Variants in GRIK1 observed in about 807,000 individuals in gnomAD.
GRIK1 encodes glutamate receptor ionotropic, kainate 1.
In GRIK1, 69 loss-of-function variants were observed where a neutral mutation model predicts 105.7. The ratio of observed to expected loss-of-function variants is 0.65; its 90% CI spans 0.54 to 0.80. GRIK1 has a LOEUF of 0.80. Among genes scored for constraint, GRIK1 ranks in the 30% least tolerant of loss-of-function variants. GRIK1 has a pLI of 0.00. For synonymous variants in GRIK1, 438 were observed against 431.3 expected, an observed-to-expected ratio of 1.02 and a Z score of -0.19; for missense variants, 1,109 against 1,167.3, an observed-to-expected ratio of 0.95 and a Z score of 0.73.
intron 1 of GRIK1, among the ~76,000 whole-genome samples, chr21:29,784,209 G>A (rs906363539): frequency 2.6e-5 from 4 of 152,150 alleles, no homozygotes; most frequent in Non-Finnish European, 4.4e-5. Flanking sequence ...ATAGTCTCAC[G>A]TTGATGGATG....
intron 1 of GRIK1, among the ~76,000 whole-genome samples, chr21:29,792,170 GTGTATA>G (rs2066436988): frequency 6.6e-6 from 1 of 152,046 alleles, no homozygotes; most frequent in African/African-American, 2.4e-5. Flanking sequence ...GTATATGTAT[GTGTATA>G]TGTATATGTG....
At chr21:29,832,514 C>T (rs2067671135) in intron 1 of GRIK1, among the ~76,000 whole-genome samples, 1 of 152,194 alleles carries the variant, frequency 6.6e-6, no homozygotes, top group African/African-American at 2.4e-5. Flanking sequence ...TCAACTCTTG[C>T]CCTCTGCACA....
chr21:29,786,871 G>A (rs2066274239), intron 1 of GRIK1, among the ~76,000 whole-genome samples: 1 of 152,174 alleles, frequency 6.6e-6, no homozygotes, highest in African/African-American at 2.4e-5. Flanking sequence ...CTTCAGATAA[G>A]AGTGTCTCTG....
chr21:29,859,403 A>AAC (rs1491377297), intron 1 of GRIK1, among the ~76,000 whole-genome samples: 2 of 72,912 alleles, frequency 2.7e-5, no homozygotes, highest in African/African-American at 1.4e-4. Context: ...ATAAAAAAAC[A>AAC]AAAAAAAATA....
intron 1 of GRIK1, among the ~76,000 whole-genome samples, chr21:29,856,725 G>C (rs1258890526): frequency 6.6e-6 from 1 of 152,194 alleles, no homozygotes; most frequent in African/African-American, 2.4e-5. Context: ...TTCAGATGAT[G>C]ATAAATGCTA....
chr21:29,546,165 A>G (rs2146101908), intron 16 of GRIK1, among the ~76,000 whole-genome samples: 1 of 152,194 alleles, frequency 6.6e-6, no homozygotes, highest in Non-Finnish European at 1.5e-5. Flanking sequence ...TCACATCCAC[A>G]CACCCTGTGT....
intron 1 of GRIK1, among the ~76,000 whole-genome samples, chr21:29,744,071 A>G (rs932465084): frequency 5.3e-5 from 8 of 152,222 alleles, no homozygotes; most frequent in African/African-American, 1.9e-4. Flanking sequence ...TGTACCCCTG[A>G]ACTTAAAATA....
rs115780878 is a variant in GRIK1 at position 29,726,992 on chromosome 21, C to G, written c.119-32929G>C. Among the ~76,000 whole-genome samples the G allele has an allele frequency of 2.6e-5, 4 of 151,916 alleles. No homozygotes were observed. The South Asian group carries it at 8.3e-4, about 32-fold the overall frequency. The stretch of plus-strand genomic sequence containing the variant: ...TCACCCAGGTTGCAGTGCAGTGGTG[C>G]GATCTTGATCTCAGCTCACTGAAAC... On this transcript the variant is annotated intron_variant, in intron 1 of 17. Transcript: ENST00000327783.
chr21:29,571,220 T>A (rs1318017830), intron 14 of GRIK1, among the ~76,000 whole-genome samples: 1 of 152,020 alleles, frequency 6.6e-6, no homozygotes, highest in Non-Finnish European at 1.5e-5. Context: ...TAACTGGGCA[T>A]GGTGGCGGGT....
rs144058178 is a variant in GRIK1 at position 29,715,311 on chromosome 21, G to A, written c.119-21248C>T. On this transcript the variant is annotated intron_variant, in intron 1 of 17. Transcript: ENST00000327783. ...CCTAGGACTATCATAATCTGCTGAC[G>A]CAAGGCAGCTCAAGGTGGAAAGGGG... Among the ~76,000 whole-genome samples the A allele has an allele frequency of 1.0e-3, 158 of 152,236 alleles. 2 individuals carry two copies. Among genetic ancestry groups the A allele is most frequent in the Admixed American group, 1.7e-3 (26 of 15,290 alleles).
chr21:29,845,306 A>G (rs2068083753), intron 1 of GRIK1, among the ~76,000 whole-genome samples: 8 of 152,142 alleles, frequency 5.3e-5, no homozygotes, highest in Admixed American at 5.2e-4. Context: ...CTTTTACCAC[A>G]TTTATGGTAA....
Position 29,939,631 on chromosome 21 carries a change from C to T in GRIK1, c.-131G>A, listed in dbSNP as rs1249777947. 3 of 591,178 alleles carry T rather than the reference C, an allele frequency of 5.1e-6. No homozygotes were observed. The highest frequency in any genetic ancestry group is 7.0e-5 in the Admixed American group (2 of 28,576). The allele number at this position is 591,178 out of a possible 1,614,324, so 36.6% of individuals were successfully genotyped here. On this transcript the variant is annotated 5_prime_UTR_variant, in exon 1 of 18. In the 5' UTR this introduces an upstream ATG that the reference lacks. Transcript: ENST00000327783. ...TTCCAAGCACGCTGCGCGCTCCCCA[C>T]GGAGCGAGCTCGAGGGAACCCGCGT...
rs1415530713 is a variant in GRIK1, at chr21:29,555,174, C to T, written c.2485G>A (p.Ala829Thr). The change falls in exon 16 of 18, where the codon GCC becomes ACC. Residue 829 changes from alanine (A) to threonine (T), a missense_variant. Ala to Thr is a moderately conservative substitution (Grantham distance 58, BLOSUM62 0). Coordinates refer to ENST00000327783, the MANE Select transcript of GRIK1 (RefSeq NM_001330994.2). ...CPEEDNKEAS[A>T]LGVENIGGIF... is the part of the protein sequence containing the mutation. ...CCTCCAATATTTTCCACTCCCAGGG[C>T]ACTGGCTTCTTTGTTGTCTTCCTCG... The T allele has an allele frequency of 8.1e-6, 13 of 1,614,010 alleles. No homozygotes were observed. Among genetic ancestry groups the T allele is most frequent in the South Asian group, 1.1e-5 (1 of 91,074 alleles).
Position 29,939,443 on chromosome 21 carries a change from C to G in GRIK1, c.58G>C (p.Ala20Pro), listed in dbSNP as rs1411932355. The change falls in exon 1 of 18, where the codon GCA (alanine) becomes CCA (proline). Residue 20 changes from alanine to proline, a missense_variant. Ala to Pro is a conservative substitution (Grantham distance 27). Transcript: ENST00000327783. ...PGLWTRDTSWALLYFLCYILP... is the reference protein window; with the variant it reads ...PGLWTRDTSWPLLYFLCYILP... ...ATATAGCAGAGGAAATAGAGGAGTG[C>G]CCAGCTGGTGTCCCTGGTCCAGAGC... is the stretch of plus-strand genomic sequence containing the variant. 1.3e-6 allele frequency: 2 copies of G among 1,598,076 alleles called. No individual in the cohort carries two copies. Among genetic ancestry groups the G allele is most frequent in the Non-Finnish European group, 1.7e-6 (2 of 1,171,972 alleles).
At chr21:29,790,119 G>A (rs535189369) in intron 1 of GRIK1, among the ~76,000 whole-genome samples, 26 of 152,144 alleles carry the variant, frequency 1.7e-4, no homozygotes, top group African/African-American at 5.3e-4. Context: ...GCATGATCTC[G>A]GCTCACTTCG....
rs1432047271 is a variant in GRIK1 at position 29,619,113 on chromosome 21, G to A, written c.1099-20176C>T. 1.8e-4 allele frequency among the ~76,000 whole-genome samples: 23 copies of A among 129,816 alleles called. No individual in the cohort carries two copies. The Admixed American group carries it at 1.9e-3, about 11-fold the overall frequency. 85.2% of individuals were successfully genotyped at this position (129,816 alleles called of 152,430 possible). ...TGCACTCCAGCCTGGGCAACAGAGC[G>A]AGACTCCGTCAAAAAAAAAAAAAAA... On this transcript the variant is annotated intron_variant, in intron 7 of 17. Transcript: ENST00000327783.
At chr21:29,574,871 T>C (rs1450759293) in intron 14 of GRIK1, among the ~76,000 whole-genome samples, 1 of 151,686 alleles carries the variant, frequency 6.6e-6, no homozygotes, top group Non-Finnish European at 1.5e-5. Flanking sequence ...TGTATTTTTT[T>C]TTTTAGTAGA....
In GRIK1 at chr21:29,801,351, C is replaced by G. The variant is rs563687696; in HGVS notation, c.119-107288G>C. On this transcript the variant is annotated intron_variant, in intron 1 of 17. Transcript: ENST00000327783. Reference sequence around the variant, plus strand: ...TACCTCTTTTTAAATTTAGCTGACACGGTCCAAAAAGTGGAAAAGTCACAG... The same window carrying G: ...TACCTCTTTTTAAATTTAGCTGACAGGGTCCAAAAAGTGGAAAAGTCACAG... Among the ~76,000 whole-genome samples the G allele has an allele frequency of 4.6e-5, 7 of 151,982 alleles. No homozygotes were observed. The East Asian group carries it at 1.4e-3, about 29-fold the overall frequency.
intron 1 of GRIK1, among the ~76,000 whole-genome samples, chr21:29,740,517 A>G (rs1049268199): frequency 2.0e-5 from 3 of 152,090 alleles, no homozygotes; most frequent in Non-Finnish European, 4.4e-5. Flanking sequence ...TGCCTGGCCT[A>G]TTAATTAACT....
Sources: allele counts gnomAD v4.1 joint callset (sites outside exome capture counted in the v4.1 genomes callset), GRCh38; gene constraint gnomAD v4.1.1; transcripts MANE v1.5; gene names NCBI Gene and HGNC (gene_info 2026-07-23, HGNC 2026-07-21).